COBLL1: variants seen among roughly 807,000 people sequenced by gnomAD.
COBLL1 encodes the protein cordon-bleu protein-like 1.
A neutral mutation model predicts 94.8 loss-of-function variants in COBLL1; 50 were observed. The observed-to-expected ratio is 0.53, with a 90% confidence interval of 0.42 to 0.67. The LOEUF is 0.67. Among genes scored for constraint, COBLL1 ranks in the 30% least tolerant of loss-of-function variants. COBLL1 has a pLI of 0.00. For missense variants in COBLL1, 1,362 were observed against 1,348.7 expected (o/e 1.01, Z -0.15); for synonymous variants, 448 against 473.8 (o/e 0.95, Z 0.71).
intron 2 of COBLL1, among the ~76,000 whole-genome samples, chr2:164,781,217 G>C (rs1016703399): frequency 2.6e-5 from 4 of 152,100 alleles, no homozygotes; most frequent in African/African-American, 9.7e-5. Context: ...TAAGTTATTA[G>C]ACTTTCTTTT....
chr2:164,737,757 C>CT (rs1686385620), intron 3 of COBLL1, among the ~76,000 whole-genome samples: 1 of 152,112 alleles, frequency 6.6e-6, no homozygotes, highest in African/African-American at 2.4e-5. Flanking sequence ...ATCCCTTTAT[C>CT]TTGTCATTTT....
intron 2 of COBLL1, among the ~76,000 whole-genome samples, chr2:164,772,761 C>T (rs899482964): frequency 3.9e-5 from 6 of 152,066 alleles, no homozygotes; most frequent in Non-Finnish European, 7.4e-5. Flanking sequence ...TCACATTCAT[C>T]TAATATTACA....
At chr2:164,657,945 G>A (rs1199800575) in intron 2 of COBLL1, among the ~76,000 whole-genome samples, 1 of 151,466 alleles carries the variant, frequency 6.6e-6, no homozygotes, top group Non-Finnish European at 1.5e-5. Context: ...GAAGTAGAGT[G>A]AAAACAGAGC....
At chr2:164,745,087 A>T (rs1450435001) in intron 2 of COBLL1, among the ~76,000 whole-genome samples, 1 of 152,138 alleles carries the variant, frequency 6.6e-6, no homozygotes, top group Non-Finnish European at 1.5e-5. Flanking sequence ...TCCCATCCTT[A>T]CTTGCTAGGC....
chr2:164,687,774 G>A (rs1427689065), intron 13 of COBLL1: 7 of 508,418 alleles, frequency 1.4e-5, no homozygotes, highest in African/African-American at 1.9e-5. Context: ...TTAATTGACT[G>A]CAGAGGTAAT....
At chr2:164,706,094 T>C (rs867615226) in intron 7 of COBLL1, among the ~76,000 whole-genome samples, 1 of 152,154 alleles carries the variant, frequency 6.6e-6, no homozygotes, top group East Asian at 1.9e-4. Flanking sequence ...ATTTCTCTTA[T>C]CCCACTTGAA....
At chr2:164,698,377 CACAT>C (rs1422535106) in intron 11 of COBLL1, 1 of 135,244 alleles carries the variant, frequency 7.4e-6, no homozygotes, top group South Asian at 2.1e-4. Context: ...ACATACCACA[CACAT>C]ACAATTATAT....
In COBLL1 at chr2:164,685,469, T is replaced by C. The variant is rs879223041; in HGVS notation, c.*477A>G. The C allele has an allele frequency of 1.3e-5, 2 of 152,302 alleles. No homozygotes were observed. Among genetic ancestry groups the C allele is most frequent in the Admixed American group, 1.3e-4 (2 of 15,266 alleles). 9.4% of individuals were successfully genotyped at this position (152,302 alleles called of 1,614,324 possible). A position where few individuals can be genotyped will look rare whatever the true frequency, so the allele number is the denominator to read the frequency against. ...AATATACTTATTTGGTATCACTAGT[T>C]TTCTAAATCATTCTTTCAGCCCAAA... On this transcript the variant is annotated 3_prime_UTR_variant, in exon 14 of 14. Transcript: ENST00000652658.
intron 9 of COBLL1, chr2:164,703,222 T>G (rs751453294): frequency 3.7e-6 from 6 of 1,604,962 alleles, no homozygotes; most frequent in Middle Eastern, 1.7e-4. Context: ...GAAAGGTTTC[T>G]GCCAAAGAAG....
intron 5 of COBLL1, chr2:164,724,945 T>C (rs1685640019): frequency 6.6e-6 from 1 of 151,830 alleles, no homozygotes; most frequent in South Asian, 2.1e-4. Flanking sequence ...TTGACAATGC[T>C]AGCAACTAAT....
chr2:164,688,570 T>A (rs1371788873), intron 13 of COBLL1, among the ~76,000 whole-genome samples: 1 of 152,194 alleles, frequency 6.6e-6, no homozygotes, highest in Non-Finnish European at 1.5e-5. Context: ...CTCTTGAAGT[T>A]TAAAGCATTT....
intron 2 of COBLL1, among the ~76,000 whole-genome samples, chr2:164,775,324 A>G (rs1559003381): frequency 6.6e-6 from 1 of 152,058 alleles, no homozygotes; most frequent in Non-Finnish European, 1.5e-5. Context: ...TTCTTCTGTA[A>G]TCTTATCTTG....
downstream of COBLL1, among the ~76,000 whole-genome samples, chr2:164,675,877 C>T (rs879926027): frequency 7.9e-5 from 12 of 152,120 alleles, no homozygotes; most frequent in Admixed American, 1.3e-4. Context: ...AAGCAAGGTG[C>T]GGTCCAGTAC....
At chr2:164,833,591 C>T (rs1481212237) in intron 2 of COBLL1, among the ~76,000 whole-genome samples, 2 of 151,952 alleles carry the variant, frequency 1.3e-5, no homozygotes, top group Non-Finnish European at 2.9e-5. Flanking sequence ...GCTGGGATTA[C>T]AGGCGCCCGC....
At chr2:164,836,060 C>T (rs1683304370) in intron 2 of COBLL1, among the ~76,000 whole-genome samples, 1 of 152,004 alleles carries the variant, frequency 6.6e-6, no homozygotes, top group African/African-American at 2.4e-5. Context: ...ATTCAATATC[C>T]TCTAACTCAT....
chr2:164,723,603 CAT>C (rs1329158513), intron 5 of COBLL1: 1 of 151,682 alleles, frequency 6.6e-6, no homozygotes, highest in African/African-American at 2.4e-5. Flanking sequence ...ATTTGGACAT[CAT>C]AAAAGTAACT....
Position 164,717,398 on chromosome 2 carries a change from A to G in COBLL1, c.996+4677T>C, listed in dbSNP as rs536399355. ...ATTGAAAACTAAATTGTTAAAATAG[A>G]TACAAACGTTTATAGTGATAATGAC... On this transcript the variant is annotated intron_variant, in intron 7 of 13. Transcript: ENST00000652658. 3.5e-4 allele frequency among the ~76,000 whole-genome samples: 53 copies of G among 152,366 alleles called. 1 individual carries two copies. The highest frequency in any genetic ancestry group is 2.5e-3 in the Admixed American group (39 of 15,304).
At chr2:164,818,339 T>TGTATACATATGTATAC (rs1559046050) in intron 2 of COBLL1, among the ~76,000 whole-genome samples, 13 of 139,290 alleles carry the variant, frequency 9.3e-5, no homozygotes, top group Non-Finnish European at 1.6e-4. Context: ...CATATATGTA[T>TGTATACATATGTATAC]ATATACATAT....
chr2:164,802,768 T>C (rs1484849530), intron 2 of COBLL1, among the ~76,000 whole-genome samples: 3 of 152,116 alleles, frequency 2.0e-5, no homozygotes, highest in Middle Eastern at 3.2e-3. Context: ...TCTATAAAAT[T>C]CCCTGAACAA....
Sources: gnomAD v4.1 joint callset for allele counts (sites outside exome capture counted in the v4.1 genomes callset) on GRCh38, gnomAD v4.1.1 for gene constraint, MANE v1.5 for transcripts, NCBI Gene and HGNC (gene_info 2026-07-23, HGNC 2026-07-21) for gene names.